The following GBE1 variants were observed in gnomAD, a reference collection of about 807,000 sequenced individuals.
GBE1 encodes the protein 1,4-alpha-glucan-branching enzyme.
A neutral mutation model predicts 88.8 loss-of-function variants in GBE1; 70 were observed. That is an observed-to-expected ratio of 0.79 (90% CI 0.65 to 0.96). GBE1 has a LOEUF of 0.96. GBE1 is among the 40% of genes least tolerant of loss of function. The pLI, the probability that GBE1 is intolerant of heterozygous loss-of-function variation, is 0.00. For synonymous variants in GBE1, 284 were observed against 300.1 expected, an observed-to-expected ratio of 0.95 and a Z score of 0.56; for missense variants, 872 against 871.0, an observed-to-expected ratio of 1.00 and a Z score of -0.01.
intron 3 of GBE1, among the ~76,000 whole-genome samples, chr3:81,664,756 C>T (rs766838120): frequency 4.6e-5 from 7 of 152,078 alleles, no homozygotes; most frequent in Non-Finnish European, 1.0e-4. Flanking sequence ...CAAAACATTA[C>T]GGATTATTAT....
At chr3:81,714,804 C>T (rs1217601896) in intron 1 of GBE1, among the ~76,000 whole-genome samples, 1 of 152,130 alleles carries the variant, frequency 6.6e-6, no homozygotes, top group Non-Finnish European at 1.5e-5. Context: ...GCAGATCCAG[C>T]GTTTGGTGAG....
chr3:81,527,647 C>T (rs1256792377), intron 14 of GBE1, among the ~76,000 whole-genome samples: 1 of 152,082 alleles, frequency 6.6e-6, no homozygotes, highest in East Asian at 1.9e-4. Flanking sequence ...CAGAGAAATG[C>T]AAATCAAAAC....
At chr3:81,596,456 C>T (rs1035995267) in intron 7 of GBE1, among the ~76,000 whole-genome samples, 3 of 151,758 alleles carry the variant, frequency 2.0e-5, no homozygotes, top group Non-Finnish European at 4.4e-5. Context: ...TTTTCTAAAA[C>T]TAGATTATTT....
At chr3:81,708,512 G>A (rs1705808564) in intron 1 of GBE1, among the ~76,000 whole-genome samples, 1 of 152,058 alleles carries the variant, frequency 6.6e-6, no homozygotes, top group East Asian at 1.9e-4. Flanking sequence ...AGAAACATAT[G>A]ATAGTCTATA....
In GBE1 at chr3:81,579,254, GTTTA is replaced by G. The variant is rs372905166; in HGVS notation, c.1447-1162_1447-1159del. Among the ~76,000 whole-genome samples, 271 of 151,874 alleles carry G rather than the reference GTTTA, an allele frequency of 1.8e-3. 1 individual carries two copies. The highest frequency in any genetic ancestry group is 7.1e-3 in the South Asian group (34 of 4,812). On this transcript the variant is annotated intron_variant, in intron 11 of 15. Coordinates refer to ENST00000429644, the MANE Select transcript of GBE1 (RefSeq NM_000158.4). Reference sequence around the variant, plus strand: ...TCCACATTTTTACTATAAATTATATGTTTATTTATTCATTTTTATGTATTCATAT... The same window carrying G: ...TCCACATTTTTACTATAAATTATATGTTTATTCATTTTTATGTATTCATAT...
intron 12 of GBE1, among the ~76,000 whole-genome samples, chr3:81,544,340 T>G (rs1703178406): frequency 6.6e-6 from 1 of 152,148 alleles, no homozygotes; most frequent in Non-Finnish European, 1.5e-5. Context: ...GTATTACAAG[T>G]AATCTGGCAC....
At chr3:81,580,935 A>C (rs962281479) in intron 11 of GBE1, among the ~76,000 whole-genome samples, 2 of 152,090 alleles carry the variant, frequency 1.3e-5, no homozygotes, top group African/African-American at 4.8e-5. Context: ...GGACAAACAT[A>C]CTACTGCATT....
intron 12 of GBE1, among the ~76,000 whole-genome samples, chr3:81,537,817 CT>C (rs1307929010): frequency 6.6e-6 from 1 of 151,840 alleles, no homozygotes. Context: ...TATGCTTATT[CT>C]TCTGTGTGTT....
chr3:81,493,657 T>C lies in GBE1; in HGVS notation c.2053-3194A>G, dbSNP rs3103797. On this transcript the variant is annotated intron_variant, in intron 15 of 15. Coordinates refer to ENST00000429644, the MANE Select transcript of GBE1 (RefSeq NM_000158.4). ...AAGTGATTCTCCTGCCTCAGCCTCC[T>C]GAGTAGCTGGGATTACAGGGATGCG... is the stretch of plus-strand genomic sequence containing the variant. Among the ~76,000 whole-genome samples the C allele has an allele frequency of 0.97, 147,240 of 151,802 alleles. 71,579 individuals carry two copies. The highest frequency in any genetic ancestry group is 1 in the East Asian group (5,132 of 5,132).
intron 7 of GBE1, among the ~76,000 whole-genome samples, chr3:81,625,760 T>C (rs1704406071): frequency 6.6e-6 from 1 of 152,098 alleles, no homozygotes; most frequent in African/African-American, 2.4e-5. Flanking sequence ...ATTTCTGGTT[T>C]TTGGCTATCT....
At chr3:81,581,495 G>T (rs531197815) in intron 10 of GBE1, among the ~76,000 whole-genome samples, 26 of 151,968 alleles carry the variant, frequency 1.7e-4, no homozygotes, top group African/African-American at 6.0e-4. Flanking sequence ...TTGTGTGTGT[G>T]TGTGTGGTGT....
chr3:81,568,572 T>C (rs542477572), intron 12 of GBE1, among the ~76,000 whole-genome samples: 1 of 152,220 alleles, frequency 6.6e-6, no homozygotes, highest in African/African-American at 2.4e-5. Flanking sequence ...CCACTTTGCA[T>C]GTCAAGCATT....
intron 14 of GBE1, among the ~76,000 whole-genome samples, chr3:81,524,773 G>GT: frequency 6.6e-6 from 1 of 151,972 alleles, no homozygotes; most frequent in African/African-American, 2.4e-5. Flanking sequence ...ATTTGTGTCT[G>GT]TTTTTATGGC....
chr3:81,662,662 TA>T (rs1287876832), intron 3 of GBE1, among the ~76,000 whole-genome samples: 542 of 129,702 alleles, frequency 4.2e-3, no homozygotes, highest in African/African-American at 6.0e-3. Context: ...AACAGTTTTG[TA>T]AAAAAAAAAA....
At chr3:81,501,062 G>A (rs917005728) in intron 14 of GBE1, among the ~76,000 whole-genome samples, 6 of 152,086 alleles carry the variant, frequency 3.9e-5, no homozygotes, top group African/African-American at 1.4e-4. Flanking sequence ...ACAACAGGCA[G>A]TTTGCCCAGT....
chr3:81,634,924 T>A (rs1704571234), intron 7 of GBE1, among the ~76,000 whole-genome samples: 1 of 152,020 alleles, frequency 6.6e-6, no homozygotes, highest in Non-Finnish European at 1.5e-5. Flanking sequence ...ACTGCATGAA[T>A]GAAGGTATGA....
intron 2 of GBE1, among the ~76,000 whole-genome samples, chr3:81,678,700 C>T (rs1010838440): frequency 2.0e-5 from 3 of 151,910 alleles, no homozygotes; most frequent in African/African-American, 7.3e-5. Context: ...AGTAGTCTTC[C>T]AGGATTGTAC....
intron 2 of GBE1, among the ~76,000 whole-genome samples, chr3:81,688,351 T>A (rs1292938912): frequency 1.3e-5 from 2 of 152,240 alleles, no homozygotes; most frequent in South Asian, 4.1e-4. Context: ...AAGGTAGGGA[T>A]CAAGTTTTAT....
intron 12 of GBE1, among the ~76,000 whole-genome samples, chr3:81,542,152 A>G (rs1703151969): frequency 6.6e-6 from 1 of 152,094 alleles, no homozygotes; most frequent in East Asian, 1.9e-4. Context: ...ACAAAGATAG[A>G]CTTGCATTAT....
Sources: allele counts gnomAD v4.1 joint callset (sites outside exome capture counted in the v4.1 genomes callset), GRCh38; gene constraint gnomAD v4.1.1; transcripts MANE v1.5; gene names NCBI Gene and HGNC (gene_info 2026-07-23, HGNC 2026-07-21).